ADRA1A: variants seen among roughly 807,000 people sequenced by gnomAD.
ADRA1A encodes alpha-1A adrenergic receptor.
In ADRA1A, 31 loss-of-function variants were observed where a neutral mutation model predicts 29.6. The observed-to-expected ratio is 1.05, with a 90% CI of 0.79 to 1.41. The LOEUF is 1.41. ADRA1A is among the 40% of genes most tolerant of loss of function. ADRA1A has a pLI of 0.00. For synonymous variants in ADRA1A, 311 were observed against 254.3 expected (o/e 1.22, Z -2.12); for missense variants, 619 against 601.1 (o/e 1.03, Z -0.31).
chr8:26,816,045 G>A (rs1809731114), intron 2 of ADRA1A, among the ~76,000 whole-genome samples: 1 of 152,162 alleles, frequency 6.6e-6, no homozygotes, highest in Non-Finnish European at 1.5e-5. Context: ...TCTCCAGAAA[G>A]GCAAGACACA....
chr8:26,819,984 G>A (rs1474867585), intron 2 of ADRA1A, among the ~76,000 whole-genome samples: 1 of 152,052 alleles, frequency 6.6e-6, no homozygotes, highest in Admixed American at 6.6e-5. Context: ...TGGACTTGAA[G>A]TAAAAATCTG....
intron 2 of ADRA1A, among the ~76,000 whole-genome samples, chr8:26,807,043 A>T (rs1423333705): frequency 6.6e-6 from 1 of 152,098 alleles, no homozygotes; most frequent in East Asian, 1.9e-4. Flanking sequence ...AATTCCAGTA[A>T]CTCTTGGCTT....
In ADRA1A at chr8:26,865,849, G is replaced by T; in HGVS notation, c.-686-194C>A. The T allele has an allele frequency of 3.7e-6, 1 of 271,328 alleles. No individual in the cohort carries two copies. Among genetic ancestry groups the T allele is most frequent in the Non-Finnish European group, 5.6e-6 (1 of 177,208 alleles). The allele number at this position is 271,328 out of a possible 1,614,324, so 16.8% of individuals were successfully genotyped here. On this transcript the variant is annotated intron_variant, in intron 1 of 2. Coordinates refer to ENST00000380573, the MANE Select transcript of ADRA1A (RefSeq NM_000680.4). The surrounding 1 kb of genome is among the most constrained non-coding windows in gnomAD (Gnocchi z 7.6). Reference sequence around the variant, plus strand: ...CCCCACCACTGGGAACCTGCCTAGCGCACTCTACTGAGTCACCTCTGCCCG... The same window carrying T: ...CCCCACCACTGGGAACCTGCCTAGCTCACTCTACTGAGTCACCTCTGCCCG...
intron 2 of ADRA1A, among the ~76,000 whole-genome samples, chr8:26,812,273 C>T (rs191466668): frequency 6.6e-6 from 1 of 152,262 alleles, no homozygotes; most frequent in Admixed American, 6.5e-5. Flanking sequence ...TCCTGGTGAC[C>T]TATTTTTCTT....
intron 2 of ADRA1A, among the ~76,000 whole-genome samples, chr8:26,858,709 G>A (rs114201367): frequency 2.6e-5 from 4 of 152,306 alleles, no homozygotes; most frequent in East Asian, 1.9e-4. Flanking sequence ...GGCTGACACC[G>A]TCATAGTCTC....
chr8:26,756,713 C>G (rs1456225727), exon 3 of ADRA1A: 4 of 1,614,042 alleles, frequency 2.5e-6, no homozygotes, highest in South Asian at 2.2e-5. Flanking sequence ...TTCATGCTCC[C>G]CTTCCTTGGG....
rs1813668963 is a variant in ADRA1A at position 26,864,030 on chromosome 8, G to A, written c.883+57C>T. ...CCCGGACTGGGAGTCTGGGGTAACA[G>A]AAGCCGAGGAGGGTGAAGACCCCCA... On this transcript the variant is annotated intron_variant, in intron 2 of 2. Coordinates refer to ENST00000380573, the MANE Select transcript of ADRA1A (RefSeq NM_000680.4). The surrounding 1 kb of genome is among the most constrained non-coding windows in gnomAD (Gnocchi z 8.1). 6.5e-7 allele frequency: 1 copy of A among 1,535,030 alleles called. No homozygotes were observed. The highest frequency in any genetic ancestry group is 8.8e-7 in the Non-Finnish European group (1 of 1,138,156).
intron 2 of ADRA1A, among the ~76,000 whole-genome samples, chr8:26,794,690 C>CA (rs888759331): frequency 6.6e-6 from 1 of 150,816 alleles, no homozygotes; most frequent in Non-Finnish European, 1.5e-5. Flanking sequence ...GTGGCCATAC[C>CA]AAAAAAAAGG....
At position 26,864,841 on chromosome 8, in the gene ADRA1A, A is replaced by G. The variant is rs746933844; in HGVS notation, c.129T>C (p.Gly43=). 6.2e-6 allele frequency: 10 copies of G among 1,613,944 alleles called. No homozygotes were observed. In the East Asian group the frequency reaches 8.9e-5, roughly 14 times the overall value. ...LGGLILFGVL[G]NILVILSVAC... Reference sequence around the variant, plus strand: ...CTACGGAGAGGATCACTAGGATGTTACCCAGCACCCCGAAAAGAATGAGGC... The same window carrying G: ...CTACGGAGAGGATCACTAGGATGTTGCCCAGCACCCCGAAAAGAATGAGGC... Residue 43 remains glycine (G), a synonymous_variant, in exon 2 of 3, where the codon GGT becomes GGC. Coordinates refer to ENST00000380573, the MANE Select transcript of ADRA1A (RefSeq NM_000680.4). The surrounding 1 kb of genome is among the most constrained non-coding windows in gnomAD (Gnocchi z 8.1).
chr8:26,780,760 A>G (rs958472281), intron 2 of ADRA1A, among the ~76,000 whole-genome samples: 2 of 152,158 alleles, frequency 1.3e-5, no homozygotes, highest in South Asian at 2.1e-4. Context: ...CATTGCTCAC[A>G]TTACCTGTCA....
At chr8:26,839,242 T>G (rs111873198) in intron 2 of ADRA1A, among the ~76,000 whole-genome samples, 5,542 of 148,162 alleles carry the variant, frequency 0.037, 136 homozygotes, top group Middle Eastern at 0.12. Flanking sequence ...CACTGCAACC[T>G]CCGCCTCCCG....
intron 2 of ADRA1A, among the ~76,000 whole-genome samples, chr8:26,812,821 C>T (rs1049261685): frequency 2.6e-5 from 4 of 151,626 alleles, no homozygotes; most frequent in South Asian, 2.1e-4. Flanking sequence ...CCCGCCACCA[C>T]GCCAGGCTAA....
chr8:26,827,226 C>T (rs1043850562), intron 2 of ADRA1A, among the ~76,000 whole-genome samples: 1 of 152,148 alleles, frequency 6.6e-6, no homozygotes, highest in Non-Finnish European at 1.5e-5. Flanking sequence ...AAAACTGCCA[C>T]AAGATGATAA....
intron 2 of ADRA1A, among the ~76,000 whole-genome samples, chr8:26,830,612 G>T (rs1810906762): frequency 6.6e-6 from 1 of 152,218 alleles, no homozygotes; most frequent in Non-Finnish European, 1.5e-5. Flanking sequence ...CTTCTCATCA[G>T]TTGTGGCTGT....
intron 2 of ADRA1A, among the ~76,000 whole-genome samples, chr8:26,839,008 T>G (rs1342303685): frequency 1.3e-5 from 2 of 152,170 alleles, no homozygotes; most frequent in Non-Finnish European, 2.9e-5. Flanking sequence ...GGTCTTTACA[T>G]TAGAGATTTT....
chr8:26,758,725 G>T (rs1805336378), intron 2 of ADRA1A, among the ~76,000 whole-genome samples: 1 of 152,186 alleles, frequency 6.6e-6, no homozygotes, highest in South Asian at 2.1e-4. Flanking sequence ...TGGGCATTGG[G>T]GTGGAGTTGG....
chr8:26,793,257 G>A lies in ADRA1A; in HGVS notation c.884-22591C>T, dbSNP rs1036639804. Among the ~76,000 whole-genome samples the A allele has an allele frequency of 2.6e-5, 4 of 151,948 alleles. No individual in the cohort carries two copies. The South Asian group carries it at 6.2e-4, about 24-fold the overall frequency. ...AAAAATTGATAAAATTTTACTTGAA[G>A]TAGATGACTAAGATACAGACAACAA... On this transcript the variant is annotated intron_variant, in intron 2 of 2. Coordinates refer to ENST00000380573, the MANE Select transcript of ADRA1A (RefSeq NM_000680.4).
At chr8:26,863,722 C>T (rs933626996) in intron 2 of ADRA1A, among the ~76,000 whole-genome samples, 2 of 152,148 alleles carry the variant, frequency 1.3e-5, no homozygotes, top group Admixed American at 6.5e-5. Context: ...AATGGCATTC[C>T]ACAGTCAGCC....
At chr8:26,816,361 CCT>C (rs1172352068) in intron 2 of ADRA1A, among the ~76,000 whole-genome samples, 1 of 152,194 alleles carries the variant, frequency 6.6e-6, no homozygotes, top group Non-Finnish European at 1.5e-5. Flanking sequence ...CTGAGGGACT[CCT>C]CTCCTGAGAC....
Sources: gnomAD v4.1 joint callset for allele counts (sites outside exome capture counted in the v4.1 genomes callset) on GRCh38, gnomAD v4.1.1 for gene constraint, Gnocchi (gnomAD v3.1) non-coding constraint, MANE v1.5 for transcripts, NCBI Gene and HGNC (gene_info 2026-07-23, HGNC 2026-07-21) for gene names.